ITGB6: variants seen among roughly 807,000 people sequenced by gnomAD.
ITGB6 encodes integrin beta-6.
Under a neutral mutation model 84.5 loss-of-function variants are expected in ITGB6, and 80 were observed. The observed-to-expected ratio is 0.95, with a 90% CI of 0.79 to 1.14. The LOEUF (loss-of-function observed/expected upper bound fraction) is 1.14, where lower values mean the gene tolerates loss of function less well. ITGB6 is among the 50% of genes most tolerant of loss of function. ITGB6 has a pLI of 0.00. For synonymous variants in ITGB6, 383 were observed against 354.9 expected (o/e 1.08, Z -0.89); for missense variants, 1,006 against 968.0 (o/e 1.04, Z -0.52).
rs558188627 is a variant in ITGB6 at position 160,195,486 on chromosome 2, A to C, written c.476T>G (p.Leu159Arg). 6.2e-7 allele frequency: 1 copy of C among 1,614,200 alleles called. No individual in the cohort carries two copies. The highest frequency in any genetic ancestry group is 1.3e-5 in the African/African-American group (1 of 75,058). ...LNTIKELGSRLSKEMSKLTSN... is the reference protein window; with the variant it reads ...LNTIKELGSRRSKEMSKLTSN... Reference sequence around the variant, plus strand: ...GGTTAATTTAGACATCTCTTTGGAAAGCCGGGAGCCCAGCTCCTTTATTGT... The same window carrying C: ...GGTTAATTTAGACATCTCTTTGGAACGCCGGGAGCCCAGCTCCTTTATTGT... Residue 159 changes from leucine (L) to arginine (R), a missense_variant, in exon 4 of 15, where the codon CTT (leucine) becomes CGT (arginine). Leu to Arg is a moderately radical substitution (Grantham distance 102, BLOSUM62 -2). Transcript: ENST00000283249.
At chr2:160,133,650 G>C (rs972269275) in intron 10 of ITGB6, among the ~76,000 whole-genome samples, 1 of 151,964 alleles carries the variant, frequency 6.6e-6, no homozygotes, top group Admixed American at 6.6e-5. Flanking sequence ...ACCACATAGT[G>C]GGAAGTAAAG....
chr2:160,179,593 G>A (rs1220247182), intron 4 of ITGB6, among the ~76,000 whole-genome samples: 2 of 146,626 alleles, frequency 1.4e-5, no homozygotes, highest in Non-Finnish European at 3.0e-5. Context: ...GGGTTTCACC[G>A]TGTTGGCCAG....
chr2:160,182,762 A>ATT (rs1685735482), intron 4 of ITGB6, among the ~76,000 whole-genome samples: 1 of 152,244 alleles, frequency 6.6e-6, no homozygotes, highest in Non-Finnish European at 1.5e-5. Flanking sequence ...GTTACCCACG[A>ATT]AGAGAAGCCC....
At chr2:160,133,686 A>G (rs1300789977) in intron 10 of ITGB6, among the ~76,000 whole-genome samples, 1 of 152,216 alleles carries the variant, frequency 6.6e-6, no homozygotes, top group Admixed American at 6.5e-5. Flanking sequence ...GTAAAAGAAC[A>G]GAAATTATAA....
At chr2:160,189,498 A>G (rs1574142280) in intron 4 of ITGB6, among the ~76,000 whole-genome samples, 1 of 152,180 alleles carries the variant, frequency 6.6e-6, no homozygotes, top group African/African-American at 2.4e-5. Context: ...AACTCAAACA[A>G]ATTTACAAGA....
chr2:160,146,857 T>C (rs972895005), intron 7 of ITGB6, among the ~76,000 whole-genome samples: 1 of 151,808 alleles, frequency 6.6e-6, no homozygotes, highest in Non-Finnish European at 1.5e-5. Context: ...TCCCAACACT[T>C]TGGGAGGCTG....
At chr2:160,189,905 A>G (rs534168302) in intron 4 of ITGB6, among the ~76,000 whole-genome samples, 153 of 152,226 alleles carry the variant, frequency 1.0e-3, no homozygotes, top group Non-Finnish European at 5.1e-4. Flanking sequence ...ACATGCACAC[A>G]TATGTTTATT....
intron 4 of ITGB6, among the ~76,000 whole-genome samples, chr2:160,189,170 A>T (rs1192664273): frequency 2.0e-5 from 3 of 152,176 alleles, no homozygotes; most frequent in Non-Finnish European, 4.4e-5. Flanking sequence ...CTGAAACTGG[A>T]TCCCTTCCTT....
chr2:160,108,535 G>C (rs1377824870), intron 13 of ITGB6, among the ~76,000 whole-genome samples: 4 of 152,086 alleles, frequency 2.6e-5, no homozygotes, highest in Non-Finnish European at 5.9e-5. Flanking sequence ...ACCTCTCTGA[G>C]CCCCAGGCCC....
At chr2:160,171,082 G>A (rs77818130) in intron 6 of ITGB6, among the ~76,000 whole-genome samples, 2,212 of 152,226 alleles carry the variant, frequency 0.015, 58 homozygotes, top group African/African-American at 0.05. Flanking sequence ...CATTCATGTC[G>A]AAATTTAGAA....
chr2:160,177,000 G>A (rs556418348), intron 4 of ITGB6, among the ~76,000 whole-genome samples: 1 of 151,866 alleles, frequency 6.6e-6, no homozygotes, highest in Non-Finnish European at 1.5e-5. Context: ...ATTGTGAATT[G>A]CTGGGTTATC....
At position 160,137,634 on chromosome 2, in the gene ITGB6, C is replaced by A. The variant is rs193920975; in HGVS notation, c.1460G>T (p.Gly487Val). 2 of 1,614,202 alleles carry A rather than the reference C, an allele frequency of 1.2e-6. No individual in the cohort carries two copies. The highest frequency in any genetic ancestry group is 1.7e-6 in the Non-Finnish European group (2 of 1,180,042). ...GVCACHPGHM[G>V]PRCECGEDML... ...GTCCTCGCCACACTCACAGCGAGGC[C>A]CCATGTGGCCAGGGTGGCAGGCACA... is the stretch of plus-strand genomic sequence containing the variant. The change falls in exon 10 of 15, where the codon GGG becomes GTG. Residue 487 changes from glycine to valine, a missense_variant. Gly to Val is a moderately radical substitution (Grantham distance 109). Transcript: ENST00000283249.
chr2:160,109,518 G>T (rs999351241), intron 13 of ITGB6, among the ~76,000 whole-genome samples: 1 of 152,224 alleles, frequency 6.6e-6, no homozygotes, highest in East Asian at 1.9e-4. Flanking sequence ...AAGAAGAAAT[G>T]GGTGCGGTCT....
chr2:160,137,941 A>G, intron 9 of ITGB6, 90 bp from the exon 10 acceptor site: 2 of 1,533,016 alleles, frequency 1.3e-6, no homozygotes, highest in Non-Finnish European at 1.8e-6. Flanking sequence ...TGCCAAAAGC[A>G]TTTACTAGAA....
At chr2:160,141,517 T>A (rs1485564608) in intron 8 of ITGB6, among the ~76,000 whole-genome samples, 2 of 152,230 alleles carry the variant, frequency 1.3e-5, no homozygotes, top group Non-Finnish European at 2.9e-5. Context: ...AATTAAAAAG[T>A]GGCATTCCTT....
At chr2:160,141,225 C>T (rs1044524747) in intron 8 of ITGB6, among the ~76,000 whole-genome samples, 1 of 151,512 alleles carries the variant, frequency 6.6e-6, no homozygotes, top group African/African-American at 2.4e-5. Context: ...CTTCTTCTTT[C>T]TCTCTCTGTG....
At chr2:160,199,892 G>C in intron 1 of ITGB6, 111 bp downstream of exon 1, 1 of 814,158 alleles carries the variant, frequency 1.2e-6, no homozygotes, top group Non-Finnish European at 2.0e-6. Context: ...AGTCACAAAA[G>C]AGCAATGGAA....
Position 160,200,058 on chromosome 2 carries a change from C to A in ITGB6, c.6G>T (p.Gly2=). ...GAAAGAACAGGCAAAGCAGTTCAAT[C>A]CCCATTCGTTTCAGTTCTTGCTGTG... M[G]IELLCLFFLF... The change falls in exon 1 of 15, where the codon GGG becomes GGT. Residue 2 remains glycine (G), a synonymous_variant. Coordinates refer to ENST00000283249, the MANE Select transcript of ITGB6 (RefSeq NM_000888.5). 2.5e-6 allele frequency: 4 copies of A among 1,613,768 alleles called. No homozygotes were observed. The highest frequency in any genetic ancestry group is 3.4e-6 in the Non-Finnish European group (4 of 1,179,750).
At chr2:160,150,580 A>G (rs1684374997) in intron 7 of ITGB6, among the ~76,000 whole-genome samples, 1 of 152,212 alleles carries the variant, frequency 6.6e-6, no homozygotes, top group Non-Finnish European at 1.5e-5. Flanking sequence ...GAACATCATA[A>G]TGACAGGATG....
Sources: gnomAD v4.1 joint callset for allele counts (sites outside exome capture counted in the v4.1 genomes callset) on GRCh38, gnomAD v4.1.1 for gene constraint, MANE v1.5 for transcripts, NCBI Gene and HGNC (gene_info 2026-07-23, HGNC 2026-07-21) for gene names.